Variants in SLC25A13 observed in about 807,000 individuals in gnomAD.
SLC25A13 encodes electrogenic aspartate/glutamate antiporter SLC25A13, mitochondrial.
SLC25A13 carries 70 observed loss-of-function variants against 85.5 expected under a neutral mutation model. The ratio of observed to expected loss-of-function variants is 0.82; its 90% confidence interval spans 0.68 to 1.00. The LOEUF (loss-of-function observed/expected upper bound fraction) is 1.00. Ranked by LOEUF, SLC25A13 falls within the 50% of genes least tolerant of loss-of-function variation. The pLI is 0.00. For missense variants in SLC25A13, 765 were observed against 819.8 expected (o/e 0.93, Z 0.82); for synonymous variants, 259 against 288.7 (o/e 0.90, Z 1.04).
At chr7:96,165,487 C>A (rs1793704326) in intron 13 of SLC25A13, among the ~76,000 whole-genome samples, 1 of 152,142 alleles carries the variant, frequency 6.6e-6, no homozygotes, top group Admixed American at 6.5e-5. Flanking sequence ...GCAGTATCTG[C>A]CGCATTCCAA....
intron 13 of SLC25A13, among the ~76,000 whole-genome samples, chr7:96,168,064 C>A (rs1793832251): frequency 7.8e-6 from 1 of 127,746 alleles, no homozygotes; most frequent in South Asian, 2.8e-4. Context: ...CCCGCCACTG[C>A]ACTCCAGCCT....
Position 96,121,198 on chromosome 7 carries a change from C to A in SLC25A13, c.2021G>T (p.Gly674Val), listed in dbSNP as rs753105901. The A allele has an allele frequency of 6.2e-7, 1 of 1,614,144 alleles. No homozygotes were observed. The highest frequency in any genetic ancestry group is 1.1e-5 in the South Asian group (1 of 91,084). ...SVSTSKAIGG[G>V]P ...ATCCCAGGGCTGATCTTCCTATGGG[C>A]CTCCACCAATAGCCTTTGAGGTAGA... The change falls in exon 18 of 18, where the codon GGC becomes GTC. Residue 674 changes from glycine (G) to valine (V), a missense_variant. Transcript: ENST00000265631.
At chr7:96,244,960 A>G (rs960618109) in intron 3 of SLC25A13, among the ~76,000 whole-genome samples, 6 of 151,968 alleles carry the variant, frequency 3.9e-5, no homozygotes, top group African/African-American at 4.8e-5. Context: ...GCAAAAGTAT[A>G]TATATATATA....
At chr7:96,217,122 A>G (rs192902408) in intron 4 of SLC25A13, among the ~76,000 whole-genome samples, 8 of 152,352 alleles carry the variant, frequency 5.3e-5, no homozygotes, top group African/African-American at 1.9e-4. Context: ...AGGCACATGA[A>G]AAGATGTTAA....
intron 12 of SLC25A13, among the ~76,000 whole-genome samples, 168 bp downstream of exon 12, chr7:96,171,304 C>T (rs978785846): frequency 2.0e-5 from 3 of 152,126 alleles, no homozygotes; most frequent in Non-Finnish European, 4.4e-5. Flanking sequence ...TTTGGATGTC[C>T]ACTGCTAAAT....
At chr7:96,235,348 C>T (rs770978782) in intron 3 of SLC25A13, among the ~76,000 whole-genome samples, 38 of 152,266 alleles carry the variant, frequency 2.5e-4, no homozygotes, top group Admixed American at 1.7e-3. Flanking sequence ...TGATTCACTA[C>T]TGGTATTTAC....
At chr7:96,187,857 G>A (rs552652937) in intron 9 of SLC25A13, among the ~76,000 whole-genome samples, 1 of 152,250 alleles carries the variant, frequency 6.6e-6, no homozygotes, top group African/African-American at 2.4e-5. Flanking sequence ...GGCCCACTAG[G>A]GTTCATGCAG....
intron 3 of SLC25A13, among the ~76,000 whole-genome samples, chr7:96,269,112 G>T (rs1027566672): frequency 3.3e-5 from 5 of 151,554 alleles, no homozygotes; most frequent in Admixed American, 6.6e-5. Flanking sequence ...CAAGCACTGT[G>T]TTTTTTTTTC....
intron 15 of SLC25A13, among the ~76,000 whole-genome samples, chr7:96,122,746 C>T (rs1791565185): frequency 1.3e-5 from 2 of 152,100 alleles, no homozygotes; most frequent in Admixed American, 6.5e-5. Flanking sequence ...AGAAAACCCT[C>T]CCAAAGTTAC....
At chr7:96,259,121 C>A (rs544546456) in intron 3 of SLC25A13, among the ~76,000 whole-genome samples, 2 of 152,106 alleles carry the variant, frequency 1.3e-5, no homozygotes, top group African/African-American at 4.8e-5. Flanking sequence ...TAGAAGAAAA[C>A]CTAGGCAATA....
At chr7:96,198,038 A>G (rs1795127226) in intron 5 of SLC25A13, among the ~76,000 whole-genome samples, 1 of 152,236 alleles carries the variant, frequency 6.6e-6, no homozygotes. Context: ...GTGTTCAACC[A>G]TAGGCTGAGG....
intron 4 of SLC25A13, among the ~76,000 whole-genome samples, chr7:96,228,950 C>T (rs1394501688): frequency 6.6e-6 from 1 of 152,182 alleles, no homozygotes; most frequent in Non-Finnish European, 1.5e-5. Flanking sequence ...CCCGGCGGGG[C>T]AGGGCTGTCA....
At chr7:96,313,605 C>A (rs1285767190) in intron 1 of SLC25A13, among the ~76,000 whole-genome samples, 1 of 151,962 alleles carries the variant, frequency 6.6e-6, no homozygotes, top group Non-Finnish European at 1.5e-5. Flanking sequence ...ACACTGGGGA[C>A]TACTAGAGGG....
At chr7:96,265,992 C>G (rs955511414) in intron 3 of SLC25A13, among the ~76,000 whole-genome samples, 1 of 152,170 alleles carries the variant, frequency 6.6e-6, no homozygotes, top group Admixed American at 6.5e-5. Context: ...CCCTCATGAC[C>G]TAATCACCTC....
intron 1 of SLC25A13, among the ~76,000 whole-genome samples, chr7:96,317,841 A>G (rs1316328765): frequency 2.7e-5 from 4 of 149,730 alleles, no homozygotes; most frequent in Admixed American, 1.3e-4. Context: ...TCGTTCTGTA[A>G]CCCAAGCTGG....
chr7:96,159,444 G>A (rs1355499686), intron 13 of SLC25A13, among the ~76,000 whole-genome samples: 2 of 152,126 alleles, frequency 1.3e-5, no homozygotes, highest in Non-Finnish European at 2.9e-5. Flanking sequence ...TTAAGACACA[G>A]ACGACACATG....
intron 2 of SLC25A13, among the ~76,000 whole-genome samples, chr7:96,279,298 A>T (rs1232580466): frequency 6.6e-6 from 1 of 152,012 alleles, no homozygotes; most frequent in Non-Finnish European, 1.5e-5. Context: ...CTCCTTTGAA[A>T]TTTCTTCCAT....
rs73405022 is a variant in SLC25A13, at chr7:96,285,458, C to G, written c.70-8120G>C. Among the ~76,000 whole-genome samples, 544 of 152,274 alleles carry G rather than the reference C, an allele frequency of 3.6e-3. 2 individuals are homozygous for G. The highest frequency in any genetic ancestry group is 0.013 in the African/African-American group (520 of 41,536). On this transcript the variant is annotated intron_variant, in intron 2 of 17. Coordinates refer to ENST00000265631, the MANE Select transcript of SLC25A13 (RefSeq NM_014251.3). ...ATAAACACTTAAAGGATGAGCAATA[C>G]TCCTTCAACCTGCAGAGGTTGTTTT...
At chr7:96,242,733 AC>A (rs1295780328) in intron 3 of SLC25A13, among the ~76,000 whole-genome samples, 1 of 152,182 alleles carries the variant, frequency 6.6e-6, no homozygotes, top group Non-Finnish European at 1.5e-5. Context: ...GTTTAACTCT[AC>A]CTATAACCTG....
Sources: allele counts gnomAD v4.1 joint callset (sites outside exome capture counted in the v4.1 genomes callset), GRCh38; gene constraint gnomAD v4.1.1; transcripts MANE v1.5; gene names NCBI Gene and HGNC (gene_info 2026-07-23, HGNC 2026-07-21).